Variants in COL15A1 observed in about 807,000 individuals in gnomAD.
The protein encoded by COL15A1 is collagen type XV alpha 1 chain.
COL15A1 carries 111 observed loss-of-function variants against 165.9 expected under a neutral mutation model. That is an observed-to-expected ratio of 0.67 (90% confidence interval 0.57 to 0.78). The LOEUF (loss-of-function observed/expected upper bound fraction) is 0.78, where lower values mean the gene tolerates loss of function less well. Ranked by LOEUF, COL15A1 falls within the 30% of genes least tolerant of loss-of-function variation. The pLI is 0.00. For missense variants in COL15A1, 1,745 were observed against 1,789.7 expected (o/e 0.98, Z 0.45); for synonymous variants, 659 against 674.8 (o/e 0.98, Z 0.36).
At chr9:99,029,939 A>G (rs1839191690) in intron 16 of COL15A1, among the ~76,000 whole-genome samples, 1 of 152,140 alleles carries the variant, frequency 6.6e-6, no homozygotes, top group Non-Finnish European at 1.5e-5. Context: ...AAAAAAAAAA[A>G]AATCATATAG....
chr9:98,989,650 A>C (rs1420744474), intron 5 of COL15A1, among the ~76,000 whole-genome samples: 1 of 152,182 alleles, frequency 6.6e-6, no homozygotes, highest in African/African-American at 2.4e-5. Context: ...GGGTTAGATG[A>C]TGAAGTGCAG....
intron 2 of COL15A1, among the ~76,000 whole-genome samples, chr9:98,969,876 C>T (rs549641953): frequency 7.4e-4 from 113 of 152,296 alleles, no homozygotes; most frequent in Middle Eastern, 3.4e-3. Context: ...CCCAGTGCCT[C>T]ATTCCTTCAT....
chr9:98,971,507 A>ATGGGT (rs1462879825), intron 2 of COL15A1, among the ~76,000 whole-genome samples: 1 of 151,570 alleles, frequency 6.6e-6, no homozygotes, highest in Non-Finnish European at 1.5e-5. Flanking sequence ...CCAGATGCCC[A>ATGGGT]TGGGTGCTCA....
At chr9:99,027,604 C>T (rs1588522267) in intron 16 of COL15A1, among the ~76,000 whole-genome samples, 1 of 152,222 alleles carries the variant, frequency 6.6e-6, no homozygotes, top group Non-Finnish European at 1.5e-5. Context: ...TACCCACACC[C>T]ACAACTGCAT....
intron 9 of COL15A1, among the ~76,000 whole-genome samples, chr9:99,009,241 A>G (rs1484750181): frequency 1.3e-5 from 2 of 152,280 alleles, no homozygotes; most frequent in African/African-American, 4.8e-5. Context: ...TGAAACAGTC[A>G]TAGTTAAAGA....
chr9:98,949,329 A>C (rs1378837295), intron 2 of COL15A1, among the ~76,000 whole-genome samples: 3 of 152,238 alleles, frequency 2.0e-5, no homozygotes, highest in Non-Finnish European at 4.4e-5. Context: ...CTAATGTAAT[A>C]GTGTCGCTCT....
chr9:99,050,765 TAGAAATATTCTTTG>T (rs1424538117), intron 30 of COL15A1, among the ~76,000 whole-genome samples: 2 of 152,232 alleles, frequency 1.3e-5, no homozygotes, highest in African/African-American at 4.8e-5. Flanking sequence ...AATTACAATT[TAGAAATATTCTTTG>T]AGGTGAGTTC....
chr9:99,038,614 A>G, intron 21 of COL15A1, 54 bp from the exon 22 acceptor site: 1 of 1,101,144 alleles, frequency 9.1e-7, no homozygotes, highest in Admixed American at 1.7e-5. Flanking sequence ...TGCCAGGAAC[A>G]AGGCAGAACA....
In COL15A1 at chr9:99,047,983, C is replaced by G; in HGVS notation, c.2776C>G (p.Pro926Ala). The G allele has an allele frequency of 1.3e-6, 2 of 1,587,708 alleles. No homozygotes were observed. The highest frequency in any genetic ancestry group is 2.7e-5 in the African/African-American group (2 of 74,384). Residue 926 changes from proline to alanine, a missense_variant, in exon 28 of 42, where the codon CCA (proline) becomes GCA (alanine). Coordinates refer to ENST00000375001, the MANE Select transcript of COL15A1 (RefSeq NM_001855.5). ...LNGLKGTKGDPGVIMQGPPGL... is the reference protein window; with the variant it reads ...LNGLKGTKGDAGVIMQGPPGL... Reference sequence around the variant, plus strand: ...TGGCCTCAAGGGTACCAAAGGAGATCCAGGGGTCATTATGCAGGTGAGTCA... The same window carrying G: ...TGGCCTCAAGGGTACCAAAGGAGATGCAGGGGTCATTATGCAGGTGAGTCA...
intron 9 of COL15A1, among the ~76,000 whole-genome samples, chr9:99,012,043 T>A (rs1169329931): frequency 6.6e-6 from 1 of 152,356 alleles, no homozygotes; most frequent in Middle Eastern, 3.4e-3. Context: ...GTAACCCTTG[T>A]GCCAAATTTT....
chr9:99,066,597 C>CTTT (rs1825894667), intron 39 of COL15A1, among the ~76,000 whole-genome samples: 2 of 65,114 alleles, frequency 3.1e-5, no homozygotes, highest in African/African-American at 6.7e-5. Flanking sequence ...ATATTTTGTT[C>CTTT]TGTTTTTTTT....
At chr9:98,959,066 C>A (rs1489277473) in intron 2 of COL15A1, among the ~76,000 whole-genome samples, 1 of 151,456 alleles carries the variant, frequency 6.6e-6, no homozygotes, top group Admixed American at 6.6e-5. Flanking sequence ...ATTTTTCATA[C>A]CTGGAAAGAG....
At position 99,036,166 on chromosome 9, in the gene COL15A1, C is replaced by G; in HGVS notation, c.2290-4C>G. 6.2e-7 allele frequency: 1 copy of G among 1,610,638 alleles called. No homozygotes were observed. The highest frequency in any genetic ancestry group is 1.1e-5 in the South Asian group (1 of 90,980). On this transcript the variant is annotated splice_polypyrimidine_tract_variant and splice_region_variant and intron_variant, in intron 19 of 41. Coordinates refer to ENST00000375001, the MANE Select transcript of COL15A1 (RefSeq NM_001855.5). ...AGAATATTTATTTTTGTTTATTTTT[C>G]CAGGGTCTCAAAGGAGAGAAAGGAG...
intron 2 of COL15A1, among the ~76,000 whole-genome samples, chr9:98,975,934 G>C (rs544639951): frequency 6.6e-6 from 1 of 152,370 alleles, no homozygotes; most frequent in South Asian, 2.1e-4. Flanking sequence ...GATGTCACTA[G>C]AAGGAATAGC....
At chr9:99,067,905 C>T (rs1825921156) in intron 40 of COL15A1, among the ~76,000 whole-genome samples, 1 of 152,080 alleles carries the variant, frequency 6.6e-6, no homozygotes, top group African/African-American at 2.4e-5. Context: ...CAAGGCCTGC[C>T]ACAAATTTGA....
chr9:99,040,467 G>A (rs952908311), intron 22 of COL15A1, 54 bp from the exon 23 acceptor site: 12 of 1,613,914 alleles, frequency 7.4e-6, no homozygotes, highest in South Asian at 4.4e-5. Flanking sequence ...GGGTCCTGCT[G>A]ACTCTGGAAA....
chr9:99,052,436 A>T lies in COL15A1; in HGVS notation c.2950+3A>T, dbSNP rs781622264. 6.3e-7 allele frequency: 1 copy of T among 1,599,450 alleles called. No individual in the cohort carries two copies. ...TCCAGAGCTCATCACTTTTCACGGT[A>T]TACACTCCCTTCTTCATCATTTGTT... On this transcript the variant is annotated splice_donor_region_variant and intron_variant, in intron 31 of 41. Transcript: ENST00000375001.
chr9:98,982,618 G>GATA (rs58188565), intron 2 of COL15A1, among the ~76,000 whole-genome samples: 6 of 58,490 alleles, frequency 1.0e-4, no homozygotes, highest in Non-Finnish European at 1.8e-4. Context: ...CAGTGATGAC[G>GATA]ATGATGATGA....
At chr9:98,976,205 A>C (rs1838140224) in intron 2 of COL15A1, among the ~76,000 whole-genome samples, 1 of 152,228 alleles carries the variant, frequency 6.6e-6, no homozygotes, top group Admixed American at 6.5e-5. Flanking sequence ...GAATTGGAAA[A>C]GTAAGTTGAA....
Sources: gnomAD v4.1 joint callset for allele counts (sites outside exome capture counted in the v4.1 genomes callset) on GRCh38, gnomAD v4.1.1 for gene constraint, MANE v1.5 for transcripts, NCBI Gene and HGNC (gene_info 2026-07-23, HGNC 2026-07-21) for gene names.